Variants in SKI observed in about 807,000 individuals in gnomAD.
The protein encoded by SKI is ski oncogene.
Under a neutral mutation model 59.3 loss-of-function variants are expected in SKI, and 23 were observed. That is an observed-to-expected ratio of 0.39 (90% CI 0.28 to 0.55). The LOEUF (loss-of-function observed/expected upper bound fraction) is 0.55, where lower values mean the gene tolerates loss of function less well. Ranked by LOEUF, SKI falls within the 20% of genes least tolerant of loss-of-function variation. The pLI is 0.67. For missense variants in SKI, 1,017 were observed against 1,038.9 expected (o/e 0.98, Z 0.29); for synonymous variants, 673 against 488.6 (o/e 1.38, Z -4.98).
intron 1 of SKI, among the ~76,000 whole-genome samples, chr1:2,257,739 C>CTTAT (rs1381576505): frequency 6.6e-6 from 1 of 151,900 alleles, no homozygotes; most frequent in African/African-American, 2.4e-5. Context: ...TATTTATTTA[C>CTTAT]TTATTTATTT....
intron 1 of SKI, among the ~76,000 whole-genome samples, chr1:2,237,266 G>A (rs553116414): frequency 5.9e-5 from 9 of 152,188 alleles, no homozygotes; most frequent in Non-Finnish European, 1.2e-4. Flanking sequence ...GGTGTCCAGC[G>A]GTGCTGGCGC....
At chr1:2,287,222 A>G (rs1640057913) in intron 1 of SKI, among the ~76,000 whole-genome samples, 1 of 152,036 alleles carries the variant, frequency 6.6e-6, no homozygotes, top group East Asian at 1.9e-4. Flanking sequence ...GGAGACTGCC[A>G]TTTTGTGTGG....
In SKI at chr1:2,306,798, A is replaced by G. The variant is rs2230008; in HGVS notation, c.*33A>G. 2 of 1,452,770 alleles carry G rather than the reference A, an allele frequency of 1.4e-6. No individual in the cohort carries two copies. The highest frequency in any genetic ancestry group is 3.0e-5 in the African/African-American group (2 of 66,870). The allele number at this position is 1,452,770 out of a possible 1,614,324, so 90.0% of individuals were successfully genotyped here. On this transcript the variant is annotated 3_prime_UTR_variant, in exon 7 of 7. Transcript: ENST00000378536. Reference sequence around the variant, plus strand: ...GCCTGCCGCCGCAGCGCCGCCGACAACGCGGGTGCAGGGGGGCGCGGCTGG... The same window carrying G: ...GCCTGCCGCCGCAGCGCCGCCGACAGCGCGGGTGCAGGGGGGCGCGGCTGG...
rs1360445081 is a variant in SKI at position 2,269,635 on chromosome 1, C to T, written c.970-33343C>T. 1.3e-5 allele frequency among the ~76,000 whole-genome samples: 2 copies of T among 152,262 alleles called. No individual in the cohort carries two copies. Among genetic ancestry groups the T allele is most frequent in the African/African-American group, 2.4e-5 (1 of 41,472 alleles). On this transcript the variant is annotated intron_variant, in intron 1 of 6. Coordinates refer to ENST00000378536, the MANE Select transcript of SKI (RefSeq NM_003036.4). This position sits in a 1 kb window ranked among gnomAD's most constrained non-coding sequence, Gnocchi z 4.7. ...AACTTTGGAATCGCCTCATGGCTGGCCCTGGACCTCTCCTCCTTCCTTCCT... is the reference window on the plus strand; with the variant it reads ...AACTTTGGAATCGCCTCATGGCTGGTCCTGGACCTCTCCTCCTTCCTTCCT...
chr1:2,257,208 T>C (rs1639292562), intron 1 of SKI, among the ~76,000 whole-genome samples: 3 of 152,270 alleles, frequency 2.0e-5, no homozygotes, highest in South Asian at 4.1e-4. Context: ...AATGATGTTT[T>C]TCTTGACAGT....
chr1:2,303,159 G>A lies in SKI; in HGVS notation c.1095+56G>A. The A allele has an allele frequency of 1.2e-6, 2 of 1,610,466 alleles. No homozygotes were observed. Among genetic ancestry groups the A allele is most frequent in the Non-Finnish European group, 1.7e-6 (2 of 1,178,484 alleles). ...TGGTGGGTACTGGGCCCTTCTCCTT[G>A]GGCAGACCCAGCGGCTGGCAGCTCC... On this transcript the variant is annotated intron_variant, in intron 2 of 6. Coordinates refer to ENST00000378536, the MANE Select transcript of SKI (RefSeq NM_003036.4). This position sits in a 1 kb window ranked among gnomAD's most constrained non-coding sequence, Gnocchi z 5.6.
chr1:2,303,549 G>A lies in SKI; in HGVS notation c.1211+149G>A. 1.3e-6 allele frequency: 1 copy of A among 744,904 alleles called. No individual in the cohort carries two copies. Among genetic ancestry groups the A allele is most frequent in the South Asian group, 1.7e-5 (1 of 58,806 alleles). The allele number at this position is 744,904 out of a possible 1,614,324, so 46.1% of individuals were successfully genotyped here. A position where few individuals can be genotyped will look rare whatever the true frequency, so the allele number is the denominator to read the frequency against. On this transcript the variant is annotated intron_variant, in intron 3 of 6. Coordinates refer to ENST00000378536, the MANE Select transcript of SKI (RefSeq NM_003036.4). This position sits in a 1 kb window ranked among gnomAD's most constrained non-coding sequence, Gnocchi z 5.6. ...GTCTCGGTGTTGGTTCCTTTGGCTGGCATCAGGGAGAGCACACCTAGAGCG... is the reference window on the plus strand; with the variant it reads ...GTCTCGGTGTTGGTTCCTTTGGCTGACATCAGGGAGAGCACACCTAGAGCG...
At chr1:2,242,009 T>C (rs1372368931) in intron 1 of SKI, among the ~76,000 whole-genome samples, 2 of 152,124 alleles carry the variant, frequency 1.3e-5, no homozygotes, top group Non-Finnish European at 2.9e-5. Flanking sequence ...GGTGCTGTGA[T>C]GGGCTGTGGG....
At chr1:2,296,869 G>A (rs1640299315) in intron 1 of SKI, among the ~76,000 whole-genome samples, 1 of 152,122 alleles carries the variant, frequency 6.6e-6, no homozygotes, top group African/African-American at 2.4e-5. Flanking sequence ...TCGCAGCCTC[G>A]GCTCTACAGA....
chr1:2,271,620 C>T (rs939365437), intron 1 of SKI, among the ~76,000 whole-genome samples: 7 of 151,932 alleles, frequency 4.6e-5, no homozygotes, highest in Non-Finnish European at 1.0e-4. Flanking sequence ...GCTCTCGCCC[C>T]TCGGGAACCT....
At chr1:2,231,382 C>T (rs568010717) in intron 1 of SKI, among the ~76,000 whole-genome samples, 12 of 152,270 alleles carry the variant, frequency 7.9e-5, no homozygotes, top group African/African-American at 2.9e-4. Flanking sequence ...GACTGTGGGT[C>T]ATGTGTGTGC....
intron 1 of SKI, among the ~76,000 whole-genome samples, chr1:2,264,275 AATTT>A (rs1309601802): frequency 2.6e-5 from 4 of 152,062 alleles, no homozygotes; most frequent in African/African-American, 4.8e-5. Context: ...AATTTAATTT[AATTT>A]ATTTATTTGA....
chr1:2,242,017 G>A (rs569061850), intron 1 of SKI, among the ~76,000 whole-genome samples: 12 of 152,182 alleles, frequency 7.9e-5, no homozygotes, highest in Admixed American at 5.2e-4. Flanking sequence ...GATGGGCTGT[G>A]GGGACAGTCC....
chr1:2,251,491 C>T (rs545847884), intron 1 of SKI, among the ~76,000 whole-genome samples: 48 of 152,276 alleles, frequency 3.2e-4, no homozygotes, highest in African/African-American at 1.1e-3. Flanking sequence ...AGCGCCCTCA[C>T]GTCCCACCAC....
At chr1:2,300,851 C>T (rs1270679309) in intron 1 of SKI, among the ~76,000 whole-genome samples, 2 of 152,164 alleles carry the variant, frequency 1.3e-5, no homozygotes, top group Non-Finnish European at 2.9e-5. Context: ...TCTGCAGGGT[C>T]CTCGGCCACC....
In SKI at chr1:2,306,779, C is replaced by G; in HGVS notation, c.*14C>G. ...CTGGAGCCGTAGATTCCGTGCCTGCCGCCGCAGCGCCGCCGACAACGCGGG... is the reference window on the plus strand; with the variant it reads ...CTGGAGCCGTAGATTCCGTGCCTGCGGCCGCAGCGCCGCCGACAACGCGGG... On this transcript the variant is annotated 3_prime_UTR_variant, in exon 7 of 7. Coordinates refer to ENST00000378536, the MANE Select transcript of SKI (RefSeq NM_003036.4). 1.3e-6 allele frequency: 2 copies of G among 1,485,060 alleles called. No homozygotes were observed. Among genetic ancestry groups the G allele is most frequent in the Non-Finnish European group, 1.8e-6 (2 of 1,121,682 alleles). 92.0% of individuals were successfully genotyped at this position (1,485,060 alleles called of 1,614,324 possible).
chr1:2,275,076 C>T (rs1229982222), intron 1 of SKI, among the ~76,000 whole-genome samples: 1 of 152,206 alleles, frequency 6.6e-6, no homozygotes, highest in Non-Finnish European at 1.5e-5. Context: ...AGGTGTTTCT[C>T]CAGCTGAACA....
intron 1 of SKI, among the ~76,000 whole-genome samples, chr1:2,252,697 G>A (rs954179683): frequency 6.6e-6 from 1 of 152,140 alleles, no homozygotes; most frequent in African/African-American, 2.4e-5. Context: ...GCGTGGTATG[G>A]GTTCCTCCCT....
At chr1:2,279,072 G>C (rs1639810989) in intron 1 of SKI, among the ~76,000 whole-genome samples, 2 of 152,184 alleles carry the variant, frequency 1.3e-5, no homozygotes, top group African/African-American at 4.8e-5. Context: ...CTGCTGGGTG[G>C]TCGCCTGGAC....
Sources: gnomAD v4.1 joint callset for allele counts (sites outside exome capture counted in the v4.1 genomes callset) on GRCh38, gnomAD v4.1.1 for gene constraint, Gnocchi (gnomAD v3.1) non-coding constraint, MANE v1.5 for transcripts, NCBI Gene and HGNC (gene_info 2026-07-23, HGNC 2026-07-21) for gene names.